The following EYA2 variants were observed in gnomAD, a reference collection of about 807,000 sequenced individuals.
EYA2 encodes EYA transcriptional coactivator and phosphatase 2, also known as protein phosphatase EYA2.
EYA2 carries 31 observed loss-of-function variants against 69.2 expected under a neutral mutation model. The ratio of observed to expected loss-of-function variants is 0.45; its 90% CI spans 0.34 to 0.60. The LOEUF is 0.60. Ranked by LOEUF, EYA2 falls within the 20% of genes least tolerant of loss-of-function variation. EYA2 has a pLI of 0.02. For synonymous variants in EYA2, 257 were observed against 279.4 expected, an observed-to-expected ratio of 0.92 and a Z score of 0.80; for missense variants, 622 against 701.2, an observed-to-expected ratio of 0.89 and a Z score of 1.28.
chr20:47,163,918 A>C (rs1187313197), intron 10 of EYA2, among the ~76,000 whole-genome samples: 2 of 152,096 alleles, frequency 1.3e-5, no homozygotes, highest in Admixed American at 1.3e-4. Context: ...CGGGGATTGC[A>C]CCAGGTCCCG....
intron 1 of EYA2, among the ~76,000 whole-genome samples, chr20:46,911,567 T>C (rs1301443024): frequency 6.6e-6 from 1 of 152,258 alleles, no homozygotes; most frequent in African/African-American, 2.4e-5. Context: ...TAAACTATTT[T>C]AAAGAGTCTT....
intron 10 of EYA2, among the ~76,000 whole-genome samples, chr20:47,147,350 C>T (rs2033724187): frequency 1.3e-5 from 2 of 152,090 alleles, no homozygotes; most frequent in Non-Finnish European, 2.9e-5. Flanking sequence ...GCCACCGCAC[C>T]CAGGCTCTTC....
At chr20:46,926,797 G>A (rs6066118) in intron 1 of EYA2, among the ~76,000 whole-genome samples, 51,346 of 152,018 alleles carry the variant, frequency 0.34, 9,096 homozygotes, top group South Asian at 0.43. Context: ...TGTGACTGCC[G>A]TGCCTAATTA....
chr20:47,071,969 C>G, intron 5 of EYA2: 1 of 583,250 alleles, frequency 1.7e-6, no homozygotes. Context: ...CGTGGTGATG[C>G]TGGTGGTAGG....
chr20:47,010,705 AAATAT>A lies in EYA2; in HGVS notation c.299-5469_299-5465del, dbSNP rs534170776. Reference sequence around the variant, plus strand: ...TATATATGTGTATGTGTACAAATATAAATATAATATATATAAAATATGGAACCTGT... The same window carrying A: ...TATATATGTGTATGTGTACAAATATAAATATATATAAAATATGGAACCTGT... On this transcript the variant is annotated intron_variant, in intron 4 of 15. Transcript: ENST00000327619. Among the ~76,000 whole-genome samples, 528 of 150,968 alleles carry A rather than the reference AAATAT, an allele frequency of 3.5e-3. 3 individuals are homozygous for A. Among genetic ancestry groups the A allele is most frequent in the African/African-American group, 0.012 (485 of 41,328 alleles).
chr20:46,996,179 A>T (rs550528131), intron 2 of EYA2, among the ~76,000 whole-genome samples: 1 of 152,340 alleles, frequency 6.6e-6, no homozygotes, highest in African/African-American at 2.4e-5. Context: ...TCACACAGTC[A>T]CTCACATACA....
chr20:46,940,761 CG>C (rs1986121508), intron 1 of EYA2, among the ~76,000 whole-genome samples: 1 of 152,158 alleles, frequency 6.6e-6, no homozygotes, highest in Non-Finnish European at 1.5e-5. Flanking sequence ...CTGGTGGCAT[CG>C]GGGGCTATGG....
chr20:47,184,565 C>T (rs1010084255), intron 15 of EYA2, among the ~76,000 whole-genome samples: 10 of 150,812 alleles, frequency 6.6e-5, no homozygotes, highest in African/African-American at 2.5e-4. Context: ...TATGGACAGG[C>T]ACCACCATAC....
intron 12 of EYA2, among the ~76,000 whole-genome samples, chr20:47,179,507 T>C (rs1489328124): frequency 6.7e-6 from 1 of 148,230 alleles, no homozygotes; most frequent in Non-Finnish European, 1.5e-5. Context: ...ATTGGGTGGA[T>C]GGATGGGTGG....
At chr20:47,028,571 T>C (rs1984226386) in intron 5 of EYA2, among the ~76,000 whole-genome samples, 1 of 152,212 alleles carries the variant, frequency 6.6e-6, no homozygotes, top group Admixed American at 6.5e-5. Context: ...CCAGGCACTG[T>C]GCCAGGTGCT....
chr20:47,058,456 T>C (rs1356689576), intron 5 of EYA2, among the ~76,000 whole-genome samples: 2 of 152,150 alleles, frequency 1.3e-5, no homozygotes, highest in Non-Finnish European at 2.9e-5. Flanking sequence ...AGGGGATGGG[T>C]GCGAGGGCGT....
At chr20:47,175,691 C>G (rs2034412154) in intron 12 of EYA2, among the ~76,000 whole-genome samples, 1 of 152,262 alleles carries the variant, frequency 6.6e-6, no homozygotes, top group South Asian at 2.1e-4. Context: ...AAGCACACTT[C>G]CCAGCGTGGA....
intron 1 of EYA2, among the ~76,000 whole-genome samples, chr20:46,931,996 G>A (rs1476000334): frequency 6.6e-6 from 1 of 150,700 alleles, no homozygotes. Context: ...TTTACACAGG[G>A]TGCCAGCCCG....
At chr20:47,106,673 C>G (rs1478643426) in intron 9 of EYA2, among the ~76,000 whole-genome samples, 2 of 151,998 alleles carry the variant, frequency 1.3e-5, no homozygotes, top group Non-Finnish European at 2.9e-5. Flanking sequence ...GCCTGACCCC[C>G]TAGCCCAGAC....
intron 5 of EYA2, among the ~76,000 whole-genome samples, chr20:47,025,710 A>G (rs1984040504): frequency 6.6e-6 from 1 of 152,324 alleles, no homozygotes; most frequent in Non-Finnish European, 1.5e-5. Context: ...GTCAAGGGGC[A>G]AGTCTATATT....
intron 1 of EYA2, among the ~76,000 whole-genome samples, chr20:46,973,454 A>G (rs190754822): frequency 1.3e-5 from 2 of 152,344 alleles, no homozygotes; most frequent in East Asian, 1.9e-4. Context: ...TGTTGAGACA[A>G]TTGGGGAAGA....
intron 5 of EYA2, among the ~76,000 whole-genome samples, chr20:47,047,004 G>A (rs1265969570): frequency 1.3e-5 from 2 of 152,224 alleles, no homozygotes; most frequent in Non-Finnish European, 2.9e-5. Context: ...TTATTGTGAA[G>A]ACAAAAATAA....
chr20:46,998,375 A>G (rs1982156887), intron 2 of EYA2: 1 of 152,304 alleles, frequency 6.6e-6, no homozygotes, highest in Non-Finnish European at 1.5e-5. Context: ...TGGGGCTGGC[A>G]TTGCCCACAA....
intron 1 of EYA2, among the ~76,000 whole-genome samples, chr20:46,912,020 A>C (rs1984667167): frequency 6.6e-6 from 1 of 152,242 alleles, no homozygotes; most frequent in Non-Finnish European, 1.5e-5. Flanking sequence ...CATTGTATGC[A>C]TGTATCAGAA....
Sources: allele counts gnomAD v4.1 joint callset (sites outside exome capture counted in the v4.1 genomes callset), GRCh38; gene constraint gnomAD v4.1.1; transcripts MANE v1.5; gene names NCBI Gene and HGNC (gene_info 2026-07-23, HGNC 2026-07-21).